ERH: variants seen among roughly 807,000 people sequenced by gnomAD.
The protein encoded by ERH is ERH mRNA splicing and mitosis factor, also known as enhancer of rudimentary homolog.
In ERH, 1 loss-of-function variant was observed where a neutral mutation model predicts 16.8. The ratio of observed to expected loss-of-function variants is 0.06; its 90% CI spans 0.02 to 0.28. The LOEUF is 0.28. Among genes scored for constraint, ERH ranks in the 10% least tolerant of loss-of-function variants. The pLI is 1.00. For missense variants in ERH, 42 were observed against 127.5 expected (o/e 0.33, Z 3.23); for synonymous variants, 43 against 43.6 (o/e 0.99, Z 0.05).
intron 3 of ERH, among the ~76,000 whole-genome samples, chr14:69,382,972 A>C (rs1157033020): frequency 6.6e-6 from 1 of 152,212 alleles, no homozygotes; most frequent in Non-Finnish European, 1.5e-5. Flanking sequence ...TTTATATAAG[A>C]ACAGAAGCTG....
intron 2 of ERH, among the ~76,000 whole-genome samples, chr14:69,390,716 TAAGAA>T (rs2045919334): frequency 6.6e-6 from 1 of 152,186 alleles, no homozygotes. Flanking sequence ...AAGACACTAT[TAAGAA>T]AGTGAGAAGA....
chr14:69,383,438 AC>A (rs1255985929), intron 3 of ERH, among the ~76,000 whole-genome samples: 1 of 152,242 alleles, frequency 6.6e-6, no homozygotes, highest in Non-Finnish European at 1.5e-5. Context: ...CTGAGGAGTA[AC>A]GGCCCAAATC....
chr14:69,388,190 G>A (rs1393430830), intron 2 of ERH, among the ~76,000 whole-genome samples: 8 of 152,160 alleles, frequency 5.3e-5, no homozygotes, highest in Non-Finnish European at 8.8e-5. Flanking sequence ...TCATAGAATT[G>A]TGAGGTTTAT....
chr14:69,384,536 G>C (rs1025563947), intron 3 of ERH, among the ~76,000 whole-genome samples: 3 of 152,180 alleles, frequency 2.0e-5, no homozygotes. Flanking sequence ...CTTACTGGGA[G>C]TAAGTATGAC....
intron 3 of ERH, among the ~76,000 whole-genome samples, chr14:69,383,724 T>A (rs567134551): frequency 6.6e-6 from 1 of 152,362 alleles, no homozygotes; most frequent in Admixed American, 6.5e-5. Flanking sequence ...TCTATATTTC[T>A]GGAAATACTG....
At position 69,380,370 on chromosome 14, in the gene ERH, G is replaced by C; in HGVS notation, c.*168C>G. 2.3e-6 allele frequency: 1 copy of C among 436,374 alleles called. No homozygotes were observed. The highest frequency in any genetic ancestry group is 4.1e-6 in the Non-Finnish European group (1 of 245,092). The allele number at this position is 436,374 out of a possible 1,614,324, so 27.0% of individuals were successfully genotyped here. On this transcript the variant is annotated 3_prime_UTR_variant, in exon 4 of 4. Transcript: ENST00000557016. ...AGAGAAAGAAAAAGAGGAGGTAACG[G>C]GGGTTTCCGATTGAACAAGATCCTC...
intron 1 of ERH, 94 bp from the exon 2 acceptor site, chr14:69,395,006 G>T: frequency 1.2e-6 from 1 of 852,132 alleles, no homozygotes; most frequent in African/African-American, 1.7e-5. Context: ...AATAATGATT[G>T]CTAGTTATTA....
At position 69,396,563 on chromosome 14, in the gene ERH, A is replaced by G. The variant is rs141465608; in HGVS notation, c.4-1651T>C. 2.4e-3 allele frequency among the ~76,000 whole-genome samples: 362 copies of G among 152,346 alleles called. 1 individual carries two copies. Among genetic ancestry groups the G allele is most frequent in the African/African-American group, 8.2e-3 (340 of 41,582 alleles). On this transcript the variant is annotated intron_variant, in intron 1 of 3. Transcript: ENST00000557016. ...GGCGTGAGCCACCGCGCCTGGACAA[A>G]ATGATCAGAATTTTTAACCATCAAA...
At chr14:69,388,652 G>C (rs1311717342) in intron 2 of ERH, among the ~76,000 whole-genome samples, 1 of 152,030 alleles carries the variant, frequency 6.6e-6, no homozygotes, top group Non-Finnish European at 1.5e-5. Flanking sequence ...TTGAGCCATC[G>C]TGCCCGGCCT....
In ERH at chr14:69,380,417, A is replaced by G. The variant is rs1341552101; in HGVS notation, c.*121T>C. 19 of 552,174 alleles carry G rather than the reference A, an allele frequency of 3.4e-5. No homozygotes were observed. Among genetic ancestry groups the G allele is most frequent in the South Asian group, 9.3e-5 (3 of 32,326 alleles). The allele number at this position is 552,174 out of a possible 1,614,324, so 34.2% of individuals were successfully genotyped here. On this transcript the variant is annotated 3_prime_UTR_variant, in exon 4 of 4. Transcript: ENST00000557016. The stretch of plus-strand genomic sequence containing the variant: ...CCTCACATTTCATCTAATACAGTCA[A>G]TCTTGGCTAGAGTATAACAAAGTGG...
At chr14:69,384,604 C>T (rs2045880836) in intron 3 of ERH, among the ~76,000 whole-genome samples, 1 of 152,066 alleles carries the variant, frequency 6.6e-6, no homozygotes, top group Non-Finnish European at 1.5e-5. Flanking sequence ...TTTATAAAAC[C>T]ATAAAGACAA....
intron 1 of ERH, among the ~76,000 whole-genome samples, chr14:69,397,281 C>G (rs1882366430): frequency 6.6e-6 from 1 of 152,188 alleles, no homozygotes; most frequent in South Asian, 2.1e-4. Flanking sequence ...GTTTTGGTCA[C>G]TTTCTTCGAA....
intron 2 of ERH, among the ~76,000 whole-genome samples, chr14:69,390,474 C>A (rs980580171): frequency 6.6e-6 from 1 of 152,110 alleles, no homozygotes; most frequent in African/African-American, 2.4e-5. Context: ...GTATTTTCAA[C>A]AAATGATGCT....
chr14:69,392,763 T>C (rs1453503392), intron 2 of ERH, among the ~76,000 whole-genome samples: 1 of 152,224 alleles, frequency 6.6e-6, no homozygotes, highest in Non-Finnish European at 1.5e-5. Context: ...TCATTAATAA[T>C]AGGGGAAATT....
At chr14:69,390,176 A>G (rs1200064493) in intron 2 of ERH, among the ~76,000 whole-genome samples, 1 of 151,014 alleles carries the variant, frequency 6.6e-6, no homozygotes, top group Non-Finnish European at 1.5e-5. Context: ...AATTCCCATA[A>G]AAATCCAAGC....
chr14:69,380,421 T>C lies in ERH; in HGVS notation c.*117A>G, dbSNP rs1011866822. 4 of 573,272 alleles carry C rather than the reference T, an allele frequency of 7.0e-6. No homozygotes were observed. The African/African-American group carries it at 7.5e-5, about 11-fold the overall frequency. 35.5% of individuals were successfully genotyped at this position (573,272 alleles called of 1,614,324 possible). ...ACATTTCATCTAATACAGTCAATCT[T>C]GGCTAGAGTATAACAAAGTGGAAAC... On this transcript the variant is annotated 3_prime_UTR_variant, in exon 4 of 4. Coordinates refer to ENST00000557016, the MANE Select transcript of ERH (RefSeq NM_004450.3).
chr14:69,386,959 T>G lies in ERH; in HGVS notation c.212+4A>C, dbSNP rs2045896987. On this transcript the variant is annotated splice_donor_region_variant and intron_variant, in intron 3 of 3. Transcript: ENST00000557016. ...AGATAAAAGACATGTTGGCTAATAC[T>G]TACACCAGGCAGCTGAGGTCTGCCA... is the stretch of plus-strand genomic sequence containing the variant. 6.2e-7 allele frequency: 1 copy of G among 1,612,960 alleles called. No homozygotes were observed. The highest frequency in any genetic ancestry group is 8.5e-7 in the Non-Finnish European group (1 of 1,179,810).
At position 69,382,045 on chromosome 14, in the gene ERH, T is replaced by G. The variant is rs190369767; in HGVS notation, c.213-1405A>C. Reference sequence around the variant, plus strand: ...TTAAAAAGTGAAGCAAGTTATTAGCTAGGTAATGCTGGACTGGAGATAGAT... The same window carrying G: ...TTAAAAAGTGAAGCAAGTTATTAGCGAGGTAATGCTGGACTGGAGATAGAT... On this transcript the variant is annotated intron_variant, in intron 3 of 3. Coordinates refer to ENST00000557016, the MANE Select transcript of ERH (RefSeq NM_004450.3). Among the ~76,000 whole-genome samples the G allele has an allele frequency of 1.3e-3, 191 of 152,314 alleles. 5 individuals are homozygous for G. The East Asian group carries it at 0.031, about 25-fold the overall frequency.
chr14:69,393,048 G>A (rs1882252361), intron 2 of ERH, among the ~76,000 whole-genome samples: 1 of 152,206 alleles, frequency 6.6e-6, no homozygotes, highest in African/African-American at 2.4e-5. Context: ...CTGGAGTGGT[G>A]GCTCACGCCT....
Sources: gnomAD v4.1 joint callset for allele counts (sites outside exome capture counted in the v4.1 genomes callset) on GRCh38, gnomAD v4.1.1 for gene constraint, MANE v1.5 for transcripts, NCBI Gene and HGNC (gene_info 2026-07-23, HGNC 2026-07-21) for gene names.